Variants in PFKL observed in about 807,000 individuals in gnomAD.
PFKL encodes ATP-dependent 6-phosphofructokinase, liver type.
A neutral mutation model predicts 92.1 loss-of-function variants in PFKL; 74 were observed. The ratio of observed to expected loss-of-function variants is 0.80; its 90% CI spans 0.67 to 0.97. The LOEUF (loss-of-function observed/expected upper bound fraction) is 0.97, where lower values mean the gene tolerates loss of function less well. PFKL is among the 50% of genes least tolerant of loss of function. The probability of loss-of-function intolerance (pLI) is 0.00; values close to 1 mark genes in which losing one functional copy is unlikely to be tolerated. For missense variants in PFKL, 1,028 were observed against 1,116.6 expected (o/e 0.92, Z 1.13); for synonymous variants, 494 against 456.4 (o/e 1.08, Z -1.05).
At chr21:44,305,457 G>T in intron 1 of PFKL, 2 of 1,161,908 alleles carry the variant, frequency 1.7e-6, no homozygotes. Context: ...GGGGGTGGGA[G>T]GGCAGGGGCT....
rs2040721415 is a variant in PFKL, at chr21:44,300,072, G to C, written c.-34G>C. 1 of 1,014,874 alleles carries C rather than the reference G, an allele frequency of 9.9e-7. No individual in the cohort carries two copies. The highest frequency in any genetic ancestry group is 1.2e-6 in the Non-Finnish European group (1 of 839,834). 62.9% of individuals were successfully genotyped at this position (1,014,874 alleles called of 1,614,324 possible). ...GACGGCGACGCGGCGCAGGCGGCGG[G>C]AGTGCGAGCTGGGCCCGTGTTTCGG... is the stretch of plus-strand genomic sequence containing the variant. On this transcript the variant is annotated 5_prime_UTR_variant, in exon 1 of 22. Coordinates refer to ENST00000349048, the MANE Select transcript of PFKL (RefSeq NM_002626.6).
intron 14 of PFKL, 97 bp from the exon 15 acceptor site, chr21:44,322,864 CG>C: frequency 2.5e-6 from 2 of 793,392 alleles, no homozygotes; most frequent in Non-Finnish European, 4.0e-6. Context: ...CTGACTGGCT[CG>C]GGGAACGGCC....
intron 11 of PFKL, chr21:44,319,690 A>C (rs980907715): frequency 1.8e-6 from 1 of 552,636 alleles, no homozygotes; most frequent in Non-Finnish European, 3.2e-6. Context: ...AGCCCAGGAC[A>C]TGGGGTGGCC....
chr21:44,321,672 A>C (rs190616527), intron 12 of PFKL, 57 bp from the exon 13 acceptor site: 20,031 of 1,454,546 alleles, frequency 0.014, 218 homozygotes, highest in Non-Finnish European at 0.015. Context: ...CCTCCTGTGC[A>C]GGTTGGGGGT....
In PFKL at chr21:44,318,573, C is replaced by G. The variant is rs2047272890; in HGVS notation, c.1040C>G (p.Pro347Arg). 1 of 1,544,746 alleles carries G rather than the reference C, an allele frequency of 6.5e-7. No individual in the cohort carries two copies. Among genetic ancestry groups the G allele is most frequent in the African/African-American group, 1.4e-5 (1 of 72,532 alleles). The change falls in exon 10 of 22, where the codon CCC (proline) becomes CGC (arginine). Residue 347 changes from proline to arginine, a missense_variant. Coordinates refer to ENST00000349048, the MANE Select transcript of PFKL (RefSeq NM_002626.6). ...TLSGNQSVRL[P>R]LMECVQMTKE... ...TCGGGGAACCAGTCAGTGCGGCTGC[C>G]CCTCATGGAGTGCGTGCAGATGGTA...
In PFKL at chr21:44,326,102, C is replaced by T. The variant is rs199607979; in HGVS notation, c.2089+42C>T. 3.4e-5 allele frequency: 54 copies of T among 1,607,606 alleles called. No homozygotes were observed. In the African/African-American group the frequency reaches 4.8e-4, roughly 14 times the overall value. ...ACCCGAGGCCTCACTTTGCCCTCCC[C>T]TGGCTCCCTGGGGCAGGGCCTCACC... On this transcript the variant is annotated intron_variant, in intron 20 of 21. Transcript: ENST00000349048.
At chr21:44,300,407 G>T (rs2040737651) in intron 1 of PFKL, among the ~76,000 whole-genome samples, 1 of 151,994 alleles carries the variant, frequency 6.6e-6, no homozygotes, top group African/African-American at 2.4e-5. Context: ...CTCGGCCTCC[G>T]CCTGGGTCTT....
chr21:44,308,584 C>T (rs2041022861), intron 2 of PFKL, among the ~76,000 whole-genome samples: 1 of 129,154 alleles, frequency 7.7e-6, no homozygotes, highest in Non-Finnish European at 1.6e-5. Flanking sequence ...TTTTTTGAGA[C>T]AGAGTCTCAT....
chr21:44,310,458 GGT>G (rs1339678143), intron 2 of PFKL, among the ~76,000 whole-genome samples: 2 of 152,328 alleles, frequency 1.3e-5, no homozygotes, highest in Non-Finnish European at 2.9e-5. Context: ...CCTGTAGGGA[GGT>G]GTGTGTGTTC....
intron 1 of PFKL, among the ~76,000 whole-genome samples, chr21:44,304,057 T>G (rs1481364767): frequency 1.7e-5 from 1 of 58,764 alleles, no homozygotes; most frequent in Non-Finnish European, 3.1e-5. Context: ...CGTGTCCCTT[T>G]CCAGTCCCGT....
intron 10 of PFKL, 44 bp downstream of exon 10, chr21:44,318,639 C>A: frequency 7.1e-7 from 1 of 1,412,706 alleles, no homozygotes. Flanking sequence ...GGCCCCTCTC[C>A]CCAGTCCCCA....
At chr21:44,315,520 C>T (rs1272213142) in intron 7 of PFKL, 1 of 152,902 alleles carries the variant, frequency 6.5e-6, no homozygotes, top group African/African-American at 2.4e-5. Flanking sequence ...AACCCTGTCC[C>T]TGTAGGAGGC....
At chr21:44,305,164 TG>T in intron 1 of PFKL, 1 of 1,096,228 alleles carries the variant, frequency 9.1e-7, no homozygotes, top group Non-Finnish European at 1.2e-6. Flanking sequence ...ACCCTCCCTC[TG>T]GGATCTCATT....
intron 2 of PFKL, among the ~76,000 whole-genome samples, chr21:44,307,554 A>G (rs2040988015): frequency 6.6e-6 from 1 of 151,824 alleles, no homozygotes; most frequent in Non-Finnish European, 1.5e-5. Context: ...ACTCAGCCCC[A>G]CCCCCCTCAC....
chr21:44,316,364 AC>A, intron 8 of PFKL, 25 bp downstream of exon 8: 1 of 1,611,876 alleles, frequency 6.2e-7, no homozygotes, highest in Non-Finnish European at 8.5e-7. Flanking sequence ...GGGGGTGGCC[AC>A]TGGGCACCTG....
At chr21:44,319,991 G>T (rs1247448247) in intron 11 of PFKL, 93 bp from the exon 12 acceptor site, 5 of 1,181,468 alleles carry the variant, frequency 4.2e-6, no homozygotes, top group Admixed American at 3.5e-5. Flanking sequence ...CCGTGTGCCT[G>T]TGACCAGCCT....
chr21:44,318,542 A>G lies in PFKL; in HGVS notation c.1009A>G (p.Thr337Ala). ...GCCTGACACGCCGGCCTGCGTGGTC[A>G]CCCTCTCGGGGAACCAGTCAGTGCG... Reference protein sequence around the residue: ...ATPDTPACVVTLSGNQSVRLP... With the variant: ...ATPDTPACVVALSGNQSVRLP... The change falls in exon 10 of 22, where the codon ACC becomes GCC. Residue 337 changes from threonine to alanine, a missense_variant. Physicochemically the swap from Thr to Ala is moderately conservative, Grantham distance 58 (BLOSUM62 0). Coordinates refer to ENST00000349048, the MANE Select transcript of PFKL (RefSeq NM_002626.6). The G allele has an allele frequency of 6.3e-7, 1 of 1,575,364 alleles. No homozygotes were observed.
intron 1 of PFKL, among the ~76,000 whole-genome samples, chr21:44,302,322 G>C (rs940439903): frequency 6.6e-6 from 1 of 152,258 alleles, no homozygotes; most frequent in Non-Finnish European, 1.5e-5. Flanking sequence ...AAGGGAGGAG[G>C]ACTCCACACA....
At chr21:44,303,441 A>AAAAAAAAAAAAAGACTTGATG (rs1555874967) in intron 1 of PFKL, among the ~76,000 whole-genome samples, 1 of 97,096 alleles carries the variant, frequency 1.0e-5, no homozygotes, top group South Asian at 3.2e-4. Context: ...ACCAAAAAAA[A>AAAAAAAAAAAAAGACTTGATG]AAAAAAAAAA....
Sources: allele counts gnomAD v4.1 joint callset (sites outside exome capture counted in the v4.1 genomes callset), GRCh38; gene constraint gnomAD v4.1.1; transcripts MANE v1.5; gene names NCBI Gene and HGNC (gene_info 2026-07-23, HGNC 2026-07-21).